CDK6: variants seen among roughly 807,000 people sequenced by gnomAD.
The protein encoded by CDK6 is cyclin dependent kinase 6.
In CDK6, 6 loss-of-function variants were observed where a neutral mutation model predicts 37.1. That is an observed-to-expected ratio of 0.16 (90% CI 0.09 to 0.32). The LOEUF (loss-of-function observed/expected upper bound fraction) is 0.32. Among genes scored for constraint, CDK6 ranks in the 10% least tolerant of loss-of-function variants. CDK6 has a pLI of 1.00. For synonymous variants in CDK6, 160 were observed against 161.3 expected (o/e 0.99, Z 0.06); for missense variants, 224 against 418.9 (o/e 0.53, Z 4.06).
intron 3 of CDK6, among the ~76,000 whole-genome samples, chr7:92,742,486 T>C (rs955039654): frequency 6.6e-6 from 1 of 152,224 alleles, no homozygotes; most frequent in Admixed American, 6.5e-5. Context: ...TCACCAGTGC[T>C]ATCTGGTGTT....
At position 92,615,304 on chromosome 7, in the gene CDK6, AT is replaced by A. The variant is rs1795651568; in HGVS notation, c.835-19del. 4 of 1,596,174 alleles carry A rather than the reference AT, an allele frequency of 2.5e-6. No individual in the cohort carries two copies. The highest frequency in any genetic ancestry group is 2.2e-5 in the East Asian group (1 of 44,796). On this transcript the variant is annotated intron_variant, in intron 7 of 7. Coordinates refer to ENST00000424848, the MANE Select transcript of CDK6 (RefSeq NM_001145306.2). ...AAACACTTCTGTAATAAAGAAAAAAATAATTGGTTGATATACAATACATCAA... is the reference window on the plus strand; with the variant it reads ...AAACACTTCTGTAATAAAGAAAAAAAAATTGGTTGATATACAATACATCAA...
At chr7:92,815,411 A>T (rs951346337) in intron 2 of CDK6, among the ~76,000 whole-genome samples, 19 of 152,192 alleles carry the variant, frequency 1.2e-4, no homozygotes, top group African/African-American at 3.6e-4. Context: ...TATAAAAACT[A>T]ATGGACATAC....
intron 2 of CDK6, among the ~76,000 whole-genome samples, chr7:92,790,035 A>C (rs936288664): frequency 2.0e-5 from 3 of 152,186 alleles, no homozygotes; most frequent in African/African-American, 7.2e-5. Flanking sequence ...AGCTTCAAAG[A>C]GTACCTAGAG....
chr7:92,731,227 T>G (rs1460304297), intron 3 of CDK6, among the ~76,000 whole-genome samples: 1 of 152,218 alleles, frequency 6.6e-6, no homozygotes, highest in Non-Finnish European at 1.5e-5. Flanking sequence ...AAAGGCTGTT[T>G]ATAAACAGGT....
chr7:92,775,803 T>A (rs932981921), intron 2 of CDK6, among the ~76,000 whole-genome samples: 4 of 152,218 alleles, frequency 2.6e-5, no homozygotes, highest in South Asian at 2.1e-4. Flanking sequence ...CTTTAATTTT[T>A]AAAAAAAATT....
intron 2 of CDK6, among the ~76,000 whole-genome samples, chr7:92,787,031 A>C (rs907325010): frequency 1.1e-4 from 16 of 151,948 alleles, no homozygotes; most frequent in African/African-American, 3.6e-4. Context: ...AAAATACAAA[A>C]ATTAGCTGGG....
intron 5 of CDK6, among the ~76,000 whole-genome samples, chr7:92,656,508 C>T (rs1278802816): frequency 6.6e-6 from 1 of 152,164 alleles, no homozygotes; most frequent in Non-Finnish European, 1.5e-5. Context: ...TGTAGGCATA[C>T]AATAAAATCT....
intron 5 of CDK6, among the ~76,000 whole-genome samples, chr7:92,631,863 ACTAG>A (rs1796060990): frequency 1.3e-5 from 2 of 152,190 alleles, no homozygotes; most frequent in Admixed American, 1.3e-4. Flanking sequence ...CTGAAAATGA[ACTAG>A]CTAAGTGAGT....
chr7:92,611,555 T>C lies in CDK6; in HGVS notation c.*3585A>G, dbSNP rs1795562919. 2 of 228,112 alleles carry C rather than the reference T, an allele frequency of 8.8e-6. No individual in the cohort carries two copies. Among genetic ancestry groups the C allele is most frequent in the Non-Finnish European group, 1.7e-5 (2 of 114,980 alleles). The allele number at this position is 228,112 out of a possible 1,614,324, so 14.1% of individuals were successfully genotyped here. A position where few individuals can be genotyped will look rare whatever the true frequency, so the allele number is the denominator to read the frequency against. ...GGAACAATAATGGCCATTACTGACTTTAATAGGCACCACTTGTAAAAGAAG... is the reference window on the plus strand; with the variant it reads ...GGAACAATAATGGCCATTACTGACTCTAATAGGCACCACTTGTAAAAGAAG... On this transcript the variant is annotated 3_prime_UTR_variant, in exon 8 of 8. Coordinates refer to ENST00000424848, the MANE Select transcript of CDK6 (RefSeq NM_001145306.2).
chr7:92,699,280 AGTC>A (rs1047517479), intron 4 of CDK6, among the ~76,000 whole-genome samples: 1 of 152,194 alleles, frequency 6.6e-6, no homozygotes, highest in African/African-American at 2.4e-5. Context: ...AGTACTAGGA[AGTC>A]CTCTACTCTA....
intron 5 of CDK6, among the ~76,000 whole-genome samples, chr7:92,641,154 C>T (rs1176626630): frequency 6.6e-6 from 1 of 152,094 alleles, no homozygotes; most frequent in Non-Finnish European, 1.5e-5. Flanking sequence ...TTTCCTCTTT[C>T]TTTTCCTATT....
intron 5 of CDK6, among the ~76,000 whole-genome samples, chr7:92,663,394 A>G (rs1796879735): frequency 6.6e-6 from 1 of 152,142 alleles, no homozygotes; most frequent in South Asian, 2.1e-4. Flanking sequence ...AATTCATGTT[A>G]AAGTACACAT....
chr7:92,734,322 A>T (rs1457627874), intron 3 of CDK6, among the ~76,000 whole-genome samples: 1 of 152,076 alleles, frequency 6.6e-6, no homozygotes, highest in African/African-American at 2.4e-5. Flanking sequence ...TCAGTCCTCA[A>T]ATCCATCTTG....
chr7:92,831,453 T>C (rs1801478780), intron 2 of CDK6, among the ~76,000 whole-genome samples: 1 of 152,186 alleles, frequency 6.6e-6, no homozygotes, highest in Non-Finnish European at 1.5e-5. Flanking sequence ...AAAATTGTAG[T>C]GGTGGAATTC....
chr7:92,608,874 G>GGGCGGGGCAACGAGGC lies in CDK6; in HGVS notation c.*6250_*6265dup. On this transcript the variant is annotated 3_prime_UTR_variant, in exon 8 of 8. Coordinates refer to ENST00000424848, the MANE Select transcript of CDK6 (RefSeq NM_001145306.2). ...GCCCACTGCCTCTCTCCTGCCAAAGGGGCGGGGCAACGAGGCAGCGCGCCC... is the reference window on the plus strand; with the variant it reads ...GCCCACTGCCTCTCTCCTGCCAAAGGGGCGGGGCAACGAGGCGGCGGGGCAACGAGGCAGCGCGCCC... 2 of 232,424 alleles carry GGGCGGGGCAACGAGGC rather than the reference G, an allele frequency of 8.6e-6. No individual in the cohort carries two copies. The highest frequency in any genetic ancestry group is 1.7e-5 in the Non-Finnish European group (2 of 117,488). 14.4% of individuals were successfully genotyped at this position (232,424 alleles called of 1,614,324 possible).
At chr7:92,677,024 A>C (rs2116615811) in intron 4 of CDK6, among the ~76,000 whole-genome samples, 1 of 151,988 alleles carries the variant, frequency 6.6e-6, no homozygotes, top group South Asian at 2.1e-4. Context: ...TATGACATCT[A>C]CTCATCACTT....
intron 2 of CDK6, among the ~76,000 whole-genome samples, chr7:92,784,032 A>T (rs573894612): frequency 6.6e-6 from 1 of 152,332 alleles, no homozygotes; most frequent in African/African-American, 2.4e-5. Flanking sequence ...CAGAGAAAAG[A>T]GTAAGGCTGT....
intron 5 of CDK6, among the ~76,000 whole-genome samples, chr7:92,649,274 T>C (rs1796518944): frequency 6.6e-6 from 1 of 152,204 alleles, no homozygotes; most frequent in Non-Finnish European, 1.5e-5. Context: ...GAAATGCGTT[T>C]GTCAATTGTT....
rs557166839 is a variant in CDK6, at chr7:92,834,744, C to T, written c.-367-1054G>A. Among the ~76,000 whole-genome samples the T allele has an allele frequency of 6.6e-6, 1 of 152,126 alleles. No individual in the cohort carries two copies. The highest frequency in any genetic ancestry group is 1.5e-5 in the Non-Finnish European group (1 of 67,962). ...AGAGAAGGTCTCTGTCCTCGGGGCC[C>T]GGACTCGCGAACCTTTTCCCATTCC... On this transcript the variant is annotated intron_variant, in intron 1 of 7. Coordinates refer to ENST00000424848, the MANE Select transcript of CDK6 (RefSeq NM_001145306.2). The surrounding 1 kb of genome is among the most constrained non-coding windows in gnomAD (Gnocchi z 4.6).
Sources: gnomAD v4.1 joint callset for allele counts (sites outside exome capture counted in the v4.1 genomes callset) on GRCh38, gnomAD v4.1.1 for gene constraint, Gnocchi (gnomAD v3.1) non-coding constraint, MANE v1.5 for transcripts, NCBI Gene and HGNC (gene_info 2026-07-23, HGNC 2026-07-21) for gene names.